Variants in IL7 observed in about 807,000 individuals in gnomAD.
IL7 encodes interleukin-7.
Under a neutral mutation model 21.6 loss-of-function variants are expected in IL7, and 3 were observed. The ratio of observed to expected loss-of-function variants is 0.14; its 90% CI spans 0.06 to 0.36. The LOEUF is 0.36. Ranked by LOEUF, IL7 falls within the 10% of genes least tolerant of loss-of-function variation. The pLI is 1.00. For synonymous variants in IL7, 62 were observed against 68.1 expected, an observed-to-expected ratio of 0.91 and a Z score of 0.44; for missense variants, 175 against 200.2, an observed-to-expected ratio of 0.87 and a Z score of 0.76.
chr8:78,698,103 A>T (rs1334786510), intron 3 of IL7, among the ~76,000 whole-genome samples: 1 of 152,088 alleles, frequency 6.6e-6, no homozygotes, highest in Non-Finnish European at 1.5e-5. Context: ...CTCTCATTTT[A>T]TGCTAGCTCT....
intron 4 of IL7, chr8:78,679,135 G>C (rs775140685): frequency 6.6e-6 from 1 of 152,128 alleles, no homozygotes; most frequent in African/African-American, 2.4e-5. Flanking sequence ...TGACTGCCAG[G>C]ATTTGTAATC....
chr8:78,786,147 G>A (rs774118067), intron 2 of IL7, among the ~76,000 whole-genome samples: 1 of 152,094 alleles, frequency 6.6e-6, no homozygotes, highest in Non-Finnish European at 1.5e-5. Context: ...CATTGTAATG[G>A]TGCCATTAGA....
In IL7 at chr8:78,760,474, G is replaced by C. The variant is rs1812514998; in HGVS notation, c.148-20392C>G. On this transcript the variant is annotated intron_variant, in intron 2 of 5. Coordinates refer to ENST00000263851, the MANE Select transcript of IL7 (RefSeq NM_000880.4). Reference sequence around the variant, plus strand: ...ACGGAAGCTCTATATCTTTCCCCCTGTGTTTCCATTTGATTCCCCAACAAT... The same window carrying C: ...ACGGAAGCTCTATATCTTTCCCCCTCTGTTTCCATTTGATTCCCCAACAAT... 1.7e-5 allele frequency: 26 copies of C among 1,543,918 alleles called. 1 individual carries two copies. The South Asian group carries it at 3.2e-4, about 19-fold the overall frequency.
In IL7 at chr8:78,772,568, C is replaced by T. The variant is rs542388873; in HGVS notation, c.147+25504G>A. Among the ~76,000 whole-genome samples, 4 of 152,090 alleles carry T rather than the reference C, an allele frequency of 2.6e-5. No individual in the cohort carries two copies. In the East Asian group the frequency reaches 5.8e-4, roughly 22 times the overall value. On this transcript the variant is annotated intron_variant, in intron 2 of 5. Coordinates refer to ENST00000263851, the MANE Select transcript of IL7 (RefSeq NM_000880.4). The stretch of plus-strand genomic sequence containing the variant: ...CACAGTAAGTCCTCATCTAACATCA[C>T]GGATAGGTTCTTGGAAACTGCGACT...
At position 78,683,547 on chromosome 8, in the gene IL7, A is replaced by AG. The variant is rs768571061; in HGVS notation, n.273+2341dup. Reference sequence around the variant, plus strand: ...ACCAAATCCCTACGCTGCACACAGTAGGGGGGCCCTGGACCTGGCCTAGGA... The same window carrying AG: ...ACCAAATCCCTACGCTGCACACAGTAGGGGGGGCCCTGGACCTGGCCTAGGA... On this transcript the variant is annotated intron_variant and non_coding_transcript_variant, in intron 4 of 4. Coordinates refer to the IL7 transcript ENST00000523959. 9.9e-5 allele frequency among the ~76,000 whole-genome samples: 15 copies of AG among 152,206 alleles called. No individual in the cohort carries two copies. The East Asian group carries it at 2.5e-3, about 26-fold the overall frequency.
At chr8:78,763,258 T>C (rs958485510) in intron 2 of IL7, among the ~76,000 whole-genome samples, 2 of 152,250 alleles carry the variant, frequency 1.3e-5, no homozygotes, top group African/African-American at 4.8e-5. Flanking sequence ...TATTCTTAAT[T>C]GATATAAAAG....
intron 2 of IL7, among the ~76,000 whole-genome samples, chr8:78,763,912 T>C (rs1812663253): frequency 6.6e-6 from 1 of 152,134 alleles, no homozygotes; most frequent in Non-Finnish European, 1.5e-5. Context: ...TGAACATAGA[T>C]TCAAAAATCC....
intron 4 of IL7, among the ~76,000 whole-genome samples, chr8:78,676,901 G>C (rs907269938): frequency 8.6e-5 from 13 of 151,760 alleles, no homozygotes; most frequent in African/African-American, 3.1e-4. Flanking sequence ...GAATTATGTT[G>C]GGAAACAAGC....
intron 3 of IL7, among the ~76,000 whole-genome samples, chr8:78,689,792 G>T (rs1389156814): frequency 6.6e-6 from 1 of 151,912 alleles, no homozygotes; most frequent in African/African-American, 2.4e-5. Flanking sequence ...TGTCTTTTGA[G>T]GGGCAAAAAT....
At chr8:78,799,489 T>C (rs1813978211) in intron 1 of IL7, among the ~76,000 whole-genome samples, 1 of 152,098 alleles carries the variant, frequency 6.6e-6, no homozygotes, top group African/African-American at 2.4e-5. Context: ...GAAACAAAAA[T>C]TGATAATTTT....
chr8:78,796,572 T>A (rs1219655130), intron 2 of IL7, among the ~76,000 whole-genome samples: 2 of 151,954 alleles, frequency 1.3e-5, no homozygotes, highest in African/African-American at 4.8e-5. Context: ...GAAGACTCAA[T>A]ATTGTTAAGA....
At chr8:78,709,322 A>C (rs1286077248) in intron 3 of IL7, among the ~76,000 whole-genome samples, 1 of 152,186 alleles carries the variant, frequency 6.6e-6, no homozygotes, top group South Asian at 2.1e-4. Flanking sequence ...TTTTGAGTAC[A>C]TTTTTATATG....
Position 78,738,375 on chromosome 8 carries a change from A to T in IL7, c.360+129T>A, listed in dbSNP as rs1307790385. ...TTTCCTCTTCTAGGATTGAGTAAACATACTTCAACTTTAGATGATAATAAA... is the reference window on the plus strand; with the variant it reads ...TTTCCTCTTCTAGGATTGAGTAAACTTACTTCAACTTTAGATGATAATAAA... On this transcript the variant is annotated intron_variant, in intron 4 of 5. Transcript: ENST00000263851. 1.3e-5 allele frequency: 10 copies of T among 748,566 alleles called. No homozygotes were observed. In the East Asian group the frequency reaches 2.8e-4, roughly 21 times the overall value. 46.4% of individuals were successfully genotyped at this position (748,566 alleles called of 1,614,324 possible).
chr8:78,729,157 C>T (rs779390016), downstream of IL7, among the ~76,000 whole-genome samples: 81 of 151,946 alleles, frequency 5.3e-4, no homozygotes, highest in Admixed American at 1.4e-3. Context: ...AATGTCTCCT[C>T]TTTATAGGAG....
intron 2 of IL7, among the ~76,000 whole-genome samples, chr8:78,773,107 T>C (rs1327153949): frequency 1.3e-5 from 2 of 152,164 alleles, no homozygotes; most frequent in Non-Finnish European, 2.9e-5. Flanking sequence ...TTATTCTAGT[T>C]CAGGTGGCTG....
intron 3 of IL7, chr8:78,686,361 A>C (rs981568536): frequency 4.0e-6 from 4 of 989,598 alleles, no homozygotes; most frequent in Non-Finnish European, 4.0e-6. Context: ...AGGACTCCTG[A>C]TAAGAGAACA....
chr8:78,680,887 A>T (rs993762947), intron 4 of IL7, among the ~76,000 whole-genome samples: 15 of 152,136 alleles, frequency 9.9e-5, no homozygotes, highest in African/African-American at 3.6e-4. Context: ...AGAAACTGGG[A>T]GGAGCTGTAG....
chr8:78,795,768 G>A (rs1813832544), intron 2 of IL7, among the ~76,000 whole-genome samples: 1 of 152,012 alleles, frequency 6.6e-6, no homozygotes, highest in Non-Finnish European at 1.5e-5. Context: ...GTCCAAATTA[G>A]CAAGAAATCT....
intron 3 of IL7, chr8:78,686,685 T>G (rs1261541307): frequency 6.0e-5 from 81 of 1,343,144 alleles, no homozygotes; most frequent in Non-Finnish European, 7.3e-5. Context: ...TTTCACTTGT[T>G]AAGCTTAACT....
Sources: gnomAD v4.1 joint callset for allele counts (sites outside exome capture counted in the v4.1 genomes callset) on GRCh38, gnomAD v4.1.1 for gene constraint, MANE v1.5 for transcripts, NCBI Gene and HGNC (gene_info 2026-07-23, HGNC 2026-07-21) for gene names.